Variants in GALNTL6 observed in about 807,000 individuals in gnomAD.
GALNTL6 encodes the protein polypeptide N-acetylgalactosaminyltransferase like 6, also known as polypeptide N-acetylgalactosaminyltransferase-like 6.
A neutral mutation model predicts 73.7 loss-of-function variants in GALNTL6; 46 were observed. The ratio of observed to expected loss-of-function variants is 0.62; its 90% CI spans 0.49 to 0.80. GALNTL6 has a LOEUF of 0.80. GALNTL6 is among the 30% of genes least tolerant of loss of function. The pLI is 0.00. For missense variants in GALNTL6, 604 were observed against 755.0 expected (o/e 0.80, Z 2.34); for synonymous variants, 259 against 263.7 (o/e 0.98, Z 0.17).
rs184459087 is a variant in GALNTL6, at chr4:171,892,734, T to A, written c.138+78016T>A. 1.7e-3 allele frequency among the ~76,000 whole-genome samples: 259 copies of A among 152,120 alleles called. 2 individuals carry two copies. Among genetic ancestry groups the A allele is most frequent in the Admixed American group, 0.01 (153 of 15,266 alleles). ...TGACACAACACCTGGATAATTTTTT[T>A]AAAAAAATTTGTATAGACGAGGTCT... On this transcript the variant is annotated intron_variant, in intron 2 of 12. Transcript: ENST00000506823.
At chr4:172,293,611 C>A (rs1164603864) in intron 3 of GALNTL6, among the ~76,000 whole-genome samples, 1 of 152,076 alleles carries the variant, frequency 6.6e-6, no homozygotes, top group Non-Finnish European at 1.5e-5. Context: ...TGCGTAGTCA[C>A]TGTGGCTGAG....
At chr4:172,529,400 A>G (rs1252125858) in intron 5 of GALNTL6, among the ~76,000 whole-genome samples, 1 of 152,144 alleles carries the variant, frequency 6.6e-6, no homozygotes, top group African/African-American at 2.4e-5. Flanking sequence ...CAGTAATGTA[A>G]TATTGATGGC....
intron 3 of GALNTL6, among the ~76,000 whole-genome samples, chr4:172,248,036 C>A (rs552830775): frequency 1.4e-5 from 2 of 147,524 alleles, no homozygotes; most frequent in East Asian, 4.2e-4. Flanking sequence ...ATATATTTGA[C>A]AAAGAAAAAT....
chr4:172,528,703 T>C (rs924687436), intron 5 of GALNTL6, among the ~76,000 whole-genome samples: 1 of 151,026 alleles, frequency 6.6e-6, no homozygotes, highest in Non-Finnish European at 1.5e-5. Context: ...GCTTAAATGT[T>C]TCTAGAATTA....
intron 5 of GALNTL6, among the ~76,000 whole-genome samples, chr4:172,597,965 G>A (rs1737925329): frequency 6.7e-6 from 1 of 149,766 alleles, no homozygotes; most frequent in Non-Finnish European, 1.5e-5. Context: ...GATTTCAATT[G>A]TGAATATTAG....
intron 5 of GALNTL6, among the ~76,000 whole-genome samples, chr4:172,559,055 T>G (rs1736247991): frequency 4.3e-5 from 5 of 117,488 alleles, no homozygotes; most frequent in South Asian, 2.9e-4. Context: ...ATAATGATAA[T>G]GGATTTTTTT....
At chr4:171,814,303 G>A in intron 1 of GALNTL6, 109 bp from the exon 2 acceptor site, 1 of 498,748 alleles carries the variant, frequency 2.0e-6, no homozygotes, top group Non-Finnish European at 3.6e-6. Context: ...ATTAATGGAG[G>A]TCAATGGGCT....
intron 10 of GALNTL6, among the ~76,000 whole-genome samples, chr4:172,974,222 G>T (rs1384651711): frequency 6.6e-6 from 1 of 152,112 alleles, no homozygotes; most frequent in African/African-American, 2.4e-5. Context: ...TTATATTTAG[G>T]ATATGTATTT....
chr4:172,177,791 A>ATATATATACACACACATAGATGTGTGTG (rs1735075421), intron 2 of GALNTL6, among the ~76,000 whole-genome samples: 1 of 101,738 alleles, frequency 9.8e-6, no homozygotes, highest in African/African-American at 3.3e-5. Context: ...ACACATGTGT[A>ATATATATACACACACATAGATGTGTGTG]TATATATACA....
intron 2 of GALNTL6, among the ~76,000 whole-genome samples, chr4:171,952,546 AG>A (rs1455315866): frequency 6.6e-6 from 1 of 152,072 alleles, no homozygotes; most frequent in Non-Finnish European, 1.5e-5. Flanking sequence ...TCAATTTTTT[AG>A]GGATGCTGTT....
At chr4:172,276,445 T>G (rs7663052) in intron 3 of GALNTL6, among the ~76,000 whole-genome samples, 9,750 of 152,286 alleles carry the variant, frequency 0.064, 353 homozygotes, top group South Asian at 0.087. Flanking sequence ...GTGAACTATT[T>G]TAAAATTCAT....
intron 5 of GALNTL6, among the ~76,000 whole-genome samples, chr4:172,523,463 C>T (rs1734851397): frequency 6.6e-6 from 1 of 152,082 alleles, no homozygotes; most frequent in African/African-American, 2.4e-5. Context: ...CTCCTGGGCT[C>T]AAGTTATCCT....
chr4:172,608,987 C>T (rs1738415157), intron 5 of GALNTL6, among the ~76,000 whole-genome samples: 1 of 152,020 alleles, frequency 6.6e-6, no homozygotes, highest in Non-Finnish European at 1.5e-5. Flanking sequence ...TATCCTGAAA[C>T]TCTGCTGAAG....
intron 5 of GALNTL6, among the ~76,000 whole-genome samples, chr4:172,361,137 A>G (rs541704263): frequency 3.7e-4 from 56 of 152,310 alleles, no homozygotes; most frequent in African/African-American, 1.3e-3. Flanking sequence ...GCCACTCAAT[A>G]TATCTAAAAT....
At chr4:172,881,491 A>G (rs932826926) in intron 7 of GALNTL6, among the ~76,000 whole-genome samples, 1 of 152,194 alleles carries the variant, frequency 6.6e-6, no homozygotes, top group Admixed American at 6.5e-5. Flanking sequence ...TAATTAAATC[A>G]AGTACCATCT....
intron 5 of GALNTL6, among the ~76,000 whole-genome samples, chr4:172,485,494 G>A (rs987917077): frequency 2.6e-5 from 4 of 151,954 alleles, no homozygotes; most frequent in East Asian, 1.9e-4. Context: ...GTTCTGGGTC[G>A]CAATGTAACG....
chr4:172,951,817 T>C (rs1020518640), intron 9 of GALNTL6, among the ~76,000 whole-genome samples: 3 of 152,238 alleles, frequency 2.0e-5, no homozygotes, highest in African/African-American at 4.8e-5. Context: ...AAATTGGCAA[T>C]TGAACCCCAT....
At chr4:172,309,782 T>C (rs1578940505) in intron 3 of GALNTL6, among the ~76,000 whole-genome samples, 2 of 151,924 alleles carry the variant, frequency 1.3e-5, no homozygotes, top group South Asian at 2.1e-4. Flanking sequence ...ATAAGAAGTA[T>C]AAAAATAAAT....
At chr4:172,409,963 G>C (rs563303898) in intron 5 of GALNTL6, among the ~76,000 whole-genome samples, 1 of 151,878 alleles carries the variant, frequency 6.6e-6, no homozygotes, top group East Asian at 1.9e-4. Context: ...ATGTGAAACA[G>C]GTAGAAACCA....
Sources: allele counts gnomAD v4.1 joint callset (sites outside exome capture counted in the v4.1 genomes callset), GRCh38; gene constraint gnomAD v4.1.1; transcripts MANE v1.5; gene names NCBI Gene and HGNC (gene_info 2026-07-23, HGNC 2026-07-21).